The following CNTN4 variants were observed in gnomAD, a reference collection of about 807,000 sequenced individuals.
The protein encoded by CNTN4 is contactin 4.
CNTN4 carries 77 observed loss-of-function variants against 122.5 expected under a neutral mutation model. The ratio of observed to expected loss-of-function variants is 0.63; its 90% CI spans 0.52 to 0.76. The LOEUF is 0.76. Ranked by LOEUF, CNTN4 falls within the 30% of genes least tolerant of loss-of-function variation. CNTN4 has a pLI of 0.00. For synonymous variants in CNTN4, 512 were observed against 447.0 expected, an observed-to-expected ratio of 1.15 and a Z score of -1.83; for missense variants, 1,256 against 1,259.1, an observed-to-expected ratio of 1.00 and a Z score of 0.04.
intron 18 of CNTN4, 81 bp from the exon 19 acceptor site, chr3:3,038,852 A>G: frequency 8.8e-7 from 1 of 1,131,840 alleles, no homozygotes; most frequent in Non-Finnish European, 1.3e-6. Context: ...ACTGAAAGTG[A>G]GTCACCTCTG....
At chr3:2,874,380 T>C (rs1341771154) in intron 8 of CNTN4, among the ~76,000 whole-genome samples, 3 of 152,242 alleles carry the variant, frequency 2.0e-5, no homozygotes, top group African/African-American at 4.8e-5. Flanking sequence ...AATTGAGTTC[T>C]GAATAATACA....
intron 15 of CNTN4, among the ~76,000 whole-genome samples, chr3:3,027,070 C>T (rs17598235): frequency 0.3 from 45,766 of 152,002 alleles, 7,464 homozygotes; most frequent in Non-Finnish European, 0.37. Context: ...TCCTAGGCTG[C>T]TATAAAAATC....
chr3:2,954,164 A>G (rs1354035200), intron 13 of CNTN4, among the ~76,000 whole-genome samples: 1 of 152,228 alleles, frequency 6.6e-6, no homozygotes, highest in Non-Finnish European at 1.5e-5. Context: ...TTTCATTCAG[A>G]AACCTTATCT....
intron 3 of CNTN4, among the ~76,000 whole-genome samples, chr3:2,498,182 TG>T (rs2076502689): frequency 1.3e-5 from 2 of 152,256 alleles, no homozygotes; most frequent in Admixed American, 1.3e-4. Context: ...GGAATATATA[TG>T]GAGTATGAAT....
chr3:2,786,517 C>T (rs1307347276), intron 6 of CNTN4, among the ~76,000 whole-genome samples: 1 of 152,174 alleles, frequency 6.6e-6, no homozygotes, highest in Non-Finnish European at 1.5e-5. Flanking sequence ...CTTCACAAGT[C>T]CTGTGAAGGG....
chr3:2,442,301 C>CA (rs912812958), intron 3 of CNTN4, among the ~76,000 whole-genome samples: 2 of 151,568 alleles, frequency 1.3e-5, no homozygotes, highest in East Asian at 1.9e-4. Context: ...CTGGAACTGC[C>CA]AAAAAAATAC....
intron 3 of CNTN4, among the ~76,000 whole-genome samples, chr3:2,460,356 A>ACTCT (rs559200670): frequency 1.3e-3 from 201 of 152,218 alleles, no homozygotes; most frequent in African/African-American, 4.6e-3. Context: ...GTGCCAGGTC[A>ACTCT]CTAGAGATAA....
At chr3:3,028,771 T>C (rs1254561423) in intron 15 of CNTN4, among the ~76,000 whole-genome samples, 2 of 152,186 alleles carry the variant, frequency 1.3e-5, no homozygotes, top group Non-Finnish European at 2.9e-5. Flanking sequence ...ACTTGCAAAG[T>C]GCCTAATCAT....
At chr3:2,117,591 C>T (rs1420777339) in intron 2 of CNTN4, among the ~76,000 whole-genome samples, 2 of 152,144 alleles carry the variant, frequency 1.3e-5, no homozygotes, top group African/African-American at 4.8e-5. Context: ...GGTGACCAGC[C>T]CCCATCCTGA....
chr3:2,426,508 A>G (rs1225024175), intron 3 of CNTN4, among the ~76,000 whole-genome samples: 1 of 152,076 alleles, frequency 6.6e-6, no homozygotes, highest in Non-Finnish European at 1.5e-5. Flanking sequence ...GATGTTTATC[A>G]TGGATATTGG....
At chr3:2,845,322 C>T (rs1187570515) in intron 7 of CNTN4, among the ~76,000 whole-genome samples, 1 of 151,976 alleles carries the variant, frequency 6.6e-6, no homozygotes, top group Non-Finnish European at 1.5e-5. Flanking sequence ...GTGAAAATAA[C>T]AACCCTAGTC....
At chr3:2,130,364 A>G (rs555467384) in intron 2 of CNTN4, among the ~76,000 whole-genome samples, 1 of 152,312 alleles carries the variant, frequency 6.6e-6, no homozygotes, top group East Asian at 1.9e-4. Context: ...CCTTTGTTTT[A>G]TCTGATTCAC....
chr3:3,012,254 G>C (rs1443353266), intron 14 of CNTN4, among the ~76,000 whole-genome samples: 1 of 151,994 alleles, frequency 6.6e-6, no homozygotes, highest in Non-Finnish European at 1.5e-5. Context: ...CTTTTACTTA[G>C]GATGTCTGTA....
chr3:2,360,738 A>T (rs377388860), intron 3 of CNTN4, among the ~76,000 whole-genome samples: 1 of 152,144 alleles, frequency 6.6e-6, no homozygotes, highest in South Asian at 2.1e-4. Context: ...TCTCGTGAGA[A>T]CTCTCTCACT....
chr3:2,350,067 G>A (rs1253808188), intron 3 of CNTN4, among the ~76,000 whole-genome samples: 3 of 152,152 alleles, frequency 2.0e-5, no homozygotes, highest in Admixed American at 6.5e-5. Context: ...GGGACTAAAT[G>A]TGTCTTAGAG....
At chr3:3,048,829 A>C (rs1477418198) in intron 23 of CNTN4, among the ~76,000 whole-genome samples, 1 of 152,138 alleles carries the variant, frequency 6.6e-6, no homozygotes, top group African/African-American at 2.4e-5. Flanking sequence ...TGAATTCTTT[A>C]GATCTCAGCT....
intron 2 of CNTN4, among the ~76,000 whole-genome samples, chr3:2,129,282 AAAG>A (rs1048763289): frequency 3.3e-5 from 5 of 151,624 alleles, no homozygotes; most frequent in Non-Finnish European, 5.9e-5. Flanking sequence ...AAAAAAAAAA[AAAG>A]CGCACATCAT....
intron 4 of CNTN4, among the ~76,000 whole-genome samples, chr3:2,575,604 A>G (rs1220155884): frequency 6.6e-6 from 1 of 152,134 alleles, no homozygotes; most frequent in Non-Finnish European, 1.5e-5. Context: ...CTCTTGCCTT[A>G]AATGTCCCCA....
At chr3:2,230,452 C>T (rs1248811338) in intron 2 of CNTN4, among the ~76,000 whole-genome samples, 1 of 152,174 alleles carries the variant, frequency 6.6e-6, no homozygotes, top group African/African-American at 2.4e-5. Context: ...CTGATTTCAA[C>T]ACCGTGCTGG....
Sources: allele counts gnomAD v4.1 joint callset (sites outside exome capture counted in the v4.1 genomes callset), GRCh38; gene constraint gnomAD v4.1.1; transcripts MANE v1.5; gene names NCBI Gene and HGNC (gene_info 2026-07-23, HGNC 2026-07-21).